DDA1: variants seen among roughly 807,000 people sequenced by gnomAD.
DDA1 encodes the protein DET1- and DDB1-associated protein 1.
DDA1 carries 3 observed loss-of-function variants against 18.6 expected under a neutral mutation model. The observed-to-expected ratio is 0.16, with a 90% CI of 0.07 to 0.42. The LOEUF is 0.42. Among genes scored for constraint, DDA1 ranks in the 10% least tolerant of loss-of-function variants. The probability of loss-of-function intolerance (pLI) is 0.99; values close to 1 mark genes in which losing one functional copy is unlikely to be tolerated. For missense variants in DDA1, 105 were observed against 138.2 expected, an observed-to-expected ratio of 0.76 and a Z score of 1.20; for synonymous variants, 52 against 54.0, an observed-to-expected ratio of 0.96 and a Z score of 0.17.
chr19:17,311,986 T>C (rs17272016), intron 1 of DDA1, among the ~76,000 whole-genome samples: 13,018 of 152,238 alleles, frequency 0.086, 652 homozygotes, highest in Non-Finnish European at 0.11. Context: ...CTTCATTCAT[T>C]TGTCCAACGC....
intron 3 of DDA1, 154 bp from the exon 4 acceptor site, chr19:17,315,780 G>A (rs2074210072): frequency 1.4e-6 from 1 of 737,488 alleles, no homozygotes; most frequent in African/African-American, 1.7e-5. Context: ...GGGAGTAGCT[G>A]CGAGTGTGCT....
chr19:17,317,668 T>TAAAA (rs34303101), intron 4 of DDA1, among the ~76,000 whole-genome samples: 8 of 97,736 alleles, frequency 8.2e-5, no homozygotes, highest in South Asian at 7.0e-4. Context: ...ACTCCATCAC[T>TAAAA]AAAAAAAAAA....
At chr19:17,315,174 C>T (rs11673467) in intron 3 of DDA1, among the ~76,000 whole-genome samples, 5 of 47,218 alleles carry the variant, frequency 1.1e-4, no homozygotes, top group African/African-American at 3.1e-4. Flanking sequence ...CGTGTATATA[C>T]ACACACGTGT....
In DDA1 at chr19:17,318,748, C is replaced by CTCCG. The variant is rs2074225723; in HGVS notation, c.199-797_199-794dup. Among the ~76,000 whole-genome samples, 3 of 151,640 alleles carry CTCCG rather than the reference C, an allele frequency of 2.0e-5. No individual in the cohort carries two copies. The South Asian group carries it at 6.2e-4, about 32-fold the overall frequency. On this transcript the variant is annotated intron_variant, in intron 4 of 4. Transcript: ENST00000359866. The stretch of plus-strand genomic sequence containing the variant: ...TGGCGTGATCTCAGCTCACTGCAAC[C>CTCCG]TCCGCCTCTTGGGTTCAAGCAATTC...
chr19:17,319,877 C>A lies in DDA1; in HGVS notation c.*221C>A, dbSNP rs368646117. 7.9e-5 allele frequency: 42 copies of A among 531,664 alleles called. No individual in the cohort carries two copies. The highest frequency in any genetic ancestry group is 7.1e-4 in the East Asian group (22 of 31,040). 32.9% of individuals were successfully genotyped at this position (531,664 alleles called of 1,614,324 possible). On this transcript the variant is annotated 3_prime_UTR_variant, in exon 5 of 5. Transcript: ENST00000359866. ...AGCGTTGGTTAAAGGGGACATCAGA[C>A]CCAGTAGTGTGATGTTGGTAGATGC...
intron 3 of DDA1, among the ~76,000 whole-genome samples, chr19:17,315,134 C>T (rs1340818989): frequency 1.3e-4 from 11 of 85,174 alleles, no homozygotes; most frequent in South Asian, 2.7e-4. Context: ...TATATACACA[C>T]ATATATATAC....
Position 17,319,699 on chromosome 19 carries a change from G to T in DDA1, c.*43G>T. 2.0e-6 allele frequency: 3 copies of T among 1,529,472 alleles called. No individual in the cohort carries two copies. Among genetic ancestry groups the T allele is most frequent in the Non-Finnish European group, 2.7e-6 (3 of 1,130,470 alleles). 94.7% of individuals were successfully genotyped at this position (1,529,472 alleles called of 1,614,324 possible). A position where few individuals can be genotyped will look rare whatever the true frequency, so the allele number is the denominator to read the frequency against. ...GCGCCTCCTGCCAGGTCTGCTCCTC[G>T]GTCGCCCACCCGCCTGCCCGCCATG... On this transcript the variant is annotated 3_prime_UTR_variant, in exon 5 of 5. Transcript: ENST00000359866.
chr19:17,309,717 C>CCCTCTAGT, intron 1 of DDA1, 60 bp downstream of exon 1: 1 of 1,593,004 alleles, frequency 6.3e-7, no homozygotes, highest in Non-Finnish European at 8.6e-7. Context: ...GCTGTGGTCC[C>CCCTCTAGT]ACCCACCTCT....
At position 17,314,414 on chromosome 19, in the gene DDA1, C is replaced by G. The variant is rs764409992; in HGVS notation, c.136+25C>G. 5.6e-6 allele frequency: 9 copies of G among 1,614,194 alleles called. No homozygotes were observed. The highest frequency in any genetic ancestry group is 1.7e-4 in the Middle Eastern group (1 of 6,060). On this transcript the variant is annotated intron_variant, in intron 3 of 4. Transcript: ENST00000359866. The surrounding 1 kb of genome is among the most constrained non-coding windows in gnomAD (Gnocchi z 4.6). The stretch of plus-strand genomic sequence containing the variant: ...AGTAAGTGGCCGCTGTCAGTCTGTC[C>G]CATTCTGGCTGCTGAGGGGCGGGGT...
Position 17,315,286 on chromosome 19 carries a change from C to G in DDA1, c.137-648C>G, listed in dbSNP as rs867358894. The stretch of plus-strand genomic sequence containing the variant: ...ATACACACACGTGTATATACACACA[C>G]TATATATATACACACGTGTATATAT... On this transcript the variant is annotated intron_variant, in intron 3 of 4. Transcript: ENST00000359866. 6.8e-5 allele frequency among the ~76,000 whole-genome samples: 2 copies of G among 29,214 alleles called. 1 individual carries two copies. The highest frequency in any genetic ancestry group is 3.6e-4 in the Admixed American group (2 of 5,518). The allele number at this position is 29,214 out of a possible 152,430, so 19.2% of individuals were successfully genotyped here.
Position 17,315,264 on chromosome 19 carries a change from C to CACACACGTGTATAT in DDA1, c.137-663_137-650dup, listed in dbSNP as rs2074203065. On this transcript the variant is annotated intron_variant, in intron 3 of 4. Transcript: ENST00000359866. ...GTGTATATACACACACGTGTATATA[C>CACACACGTGTATAT]ACACACGTGTATATACACACACTAT... 3.2e-5 allele frequency among the ~76,000 whole-genome samples: 2 copies of CACACACGTGTATAT among 61,572 alleles called. 1 individual carries two copies. Among genetic ancestry groups the CACACACGTGTATAT allele is most frequent in the Non-Finnish European group, 7.0e-5 (2 of 28,548 alleles). The allele number at this position is 61,572 out of a possible 152,430, so 40.4% of individuals were successfully genotyped here. A position where few individuals can be genotyped will look rare whatever the true frequency, so the allele number is the denominator to read the frequency against.
chr19:17,316,169 T>C (rs1201118587), intron 4 of DDA1, among the ~76,000 whole-genome samples, 174 bp downstream of exon 4: 1 of 152,094 alleles, frequency 6.6e-6, no homozygotes, highest in African/African-American at 2.4e-5. Flanking sequence ...AGGGAACCGC[T>C]GTGCAGAGGC....
chr19:17,312,285 G>T (rs1000018641), intron 1 of DDA1, among the ~76,000 whole-genome samples: 2 of 152,126 alleles, frequency 1.3e-5, no homozygotes, highest in Non-Finnish European at 2.9e-5. Context: ...CTCTTCCCTT[G>T]GGGAGGTACC....
chr19:17,315,285 A>G lies in DDA1; in HGVS notation c.137-649A>G, dbSNP rs57534282. On this transcript the variant is annotated intron_variant, in intron 3 of 4. Coordinates refer to ENST00000359866, the MANE Select transcript of DDA1 (RefSeq NM_024050.6). ...TATACACACACGTGTATATACACAC[A>G]CTATATATATACACACGTGTATATA... is the stretch of plus-strand genomic sequence containing the variant. Among the ~76,000 whole-genome samples the G allele has an allele frequency of 6.8e-4, 28 of 41,376 alleles. 1 individual carries two copies. The highest frequency in any genetic ancestry group is 2.7e-3 in the African/African-American group (16 of 5,884). The allele number at this position is 41,376 out of a possible 152,430, so 27.1% of individuals were successfully genotyped here. A position where few individuals can be genotyped will look rare whatever the true frequency, so the allele number is the denominator to read the frequency against.
At chr19:17,323,298 ATAAT>A (rs531235834), downstream of DDA1, 351 of 321,860 alleles carry the variant, frequency 1.1e-3, 5 homozygotes, top group Admixed American at 0.012. Context: ...AAACAAATAA[ATAAT>A]CGCCTGTTCT....
chr19:17,309,808 C>A, intron 1 of DDA1, 151 bp downstream of exon 1: 1 of 998,558 alleles, frequency 1.0e-6, no homozygotes, highest in Admixed American at 2.8e-5. Context: ...TGACCTTCGA[C>A]CCCCGGACCC....
intron 4 of DDA1, among the ~76,000 whole-genome samples, chr19:17,318,756 C>G (rs2074225770): frequency 6.6e-6 from 1 of 151,546 alleles, no homozygotes; most frequent in Non-Finnish European, 1.5e-5. Context: ...ACCTCCGCCT[C>G]TTGGGTTCAA....
chr19:17,312,814 G>A (rs141456954), intron 1 of DDA1, among the ~76,000 whole-genome samples: 76 of 152,302 alleles, frequency 5.0e-4, no homozygotes, highest in African/African-American at 1.8e-3. Flanking sequence ...CCCCAGAGCC[G>A]GGTGCTGAGC....
At chr19:17,315,558 C>G (rs2074209159) in intron 3 of DDA1, among the ~76,000 whole-genome samples, 1 of 151,420 alleles carries the variant, frequency 6.6e-6, no homozygotes, top group African/African-American at 2.4e-5. Flanking sequence ...GCCTGGGTGA[C>G]AAGAGTGAGA....
Sources: gnomAD v4.1 joint callset for allele counts (sites outside exome capture counted in the v4.1 genomes callset) on GRCh38, gnomAD v4.1.1 for gene constraint, Gnocchi (gnomAD v3.1) non-coding constraint, MANE v1.5 for transcripts, NCBI Gene and HGNC (gene_info 2026-07-23, HGNC 2026-07-21) for gene names.